Variants in CPEB4 observed in about 807,000 individuals in gnomAD.
CPEB4 encodes cytoplasmic polyadenylation element-binding protein 4.
A neutral mutation model predicts 72.5 loss-of-function variants in CPEB4; 12 were observed. The observed-to-expected ratio is 0.17, with a 90% confidence interval of 0.11 to 0.27. The LOEUF (loss-of-function observed/expected upper bound fraction) is 0.27. Ranked by LOEUF, CPEB4 falls within the 10% of genes least tolerant of loss-of-function variation. The probability of loss-of-function intolerance (pLI) is 1.00; values close to 1 mark genes in which losing one functional copy is unlikely to be tolerated. For synonymous variants in CPEB4, 302 were observed against 326.3 expected (o/e 0.93, Z 0.80); for missense variants, 614 against 908.5 (o/e 0.68, Z 4.17).
chr5:173,953,029 G>A lies in CPEB4; in HGVS notation c.1781-62G>A, dbSNP rs1016900632. ...ACAGATGAATTGCTTTTGATGAAAC[G>A]GTTGGTGAGCCAGATGAATTTTCCT... On this transcript the variant is annotated intron_variant, in intron 8 of 9. Coordinates refer to ENST00000265085, the MANE Select transcript of CPEB4 (RefSeq NM_030627.4). 9.5e-6 allele frequency: 13 copies of A among 1,369,434 alleles called. No individual in the cohort carries two copies. In the African/African-American group the frequency reaches 1.0e-4, roughly 11 times the overall value. The allele number at this position is 1,369,434 out of a possible 1,614,324, so 84.8% of individuals were successfully genotyped here.
chr5:173,914,468 G>C (rs185573051), intron 2 of CPEB4, among the ~76,000 whole-genome samples: 1 of 152,164 alleles, frequency 6.6e-6, no homozygotes, highest in Admixed American at 6.5e-5. Flanking sequence ...ATAGAAAATT[G>C]ACATTAGCCA....
chr5:173,904,194 A>T (rs1372169866), intron 1 of CPEB4, among the ~76,000 whole-genome samples: 1 of 152,220 alleles, frequency 6.6e-6, no homozygotes, highest in Non-Finnish European at 1.5e-5. Flanking sequence ...CATTGATGGA[A>T]TTATTTAAAT....
intron 2 of CPEB4, among the ~76,000 whole-genome samples, chr5:173,923,491 T>C (rs2113213649): frequency 6.6e-6 from 1 of 152,314 alleles, no homozygotes; most frequent in South Asian, 2.1e-4. Context: ...CAGAGAGCCA[T>C]TTGTCAAAAT....
rs1381651224 is a variant in CPEB4, at chr5:173,950,008, T to C, written c.1595T>C (p.Ile532Thr). The C allele has an allele frequency of 8.7e-6, 14 of 1,612,548 alleles. No individual in the cohort carries two copies. Among genetic ancestry groups the C allele is most frequent in the South Asian group, 3.3e-5 (3 of 90,834 alleles). The change falls in exon 7 of 10, where the codon ATT becomes ACT. Residue 532 changes from isoleucine (I) to threonine (T), a missense_variant. By Grantham distance (89) the Ile-to-Thr change is moderately conservative (BLOSUM62 -1). Around this residue, in one of 5 missense-constraint regions of CPEB4, gnomAD observed 23 missense variants for 21.8 expected, o/e 1.05. Transcript: ENST00000265085. The surrounding 1 kb of genome is among the most constrained non-coding windows in gnomAD (Gnocchi z 5.0). ...FQDESSVQAL[I>T]DACIEEDGKL... ...GATGAAAGCTCTGTGCAGGCTCTCA[T>C]TGATGCATGCATTGAAGAAGATGGA... is the stretch of plus-strand genomic sequence containing the variant.
At chr5:173,902,085 A>G (rs555369375) in intron 1 of CPEB4, among the ~76,000 whole-genome samples, 12 of 152,354 alleles carry the variant, frequency 7.9e-5, no homozygotes, top group African/African-American at 1.4e-4. Context: ...TTAATTCAAG[A>G]GGAATATTTA....
At chr5:173,939,607 A>G (rs72812829) in intron 3 of CPEB4, among the ~76,000 whole-genome samples, 7,251 of 152,282 alleles carry the variant, frequency 0.048, 237 homozygotes, top group Non-Finnish European at 0.073. Context: ...GCTAGAGGGA[A>G]TTTGATTCTG....
chr5:173,929,910 T>C (rs768514000), intron 2 of CPEB4, among the ~76,000 whole-genome samples: 22 of 152,178 alleles, frequency 1.4e-4, no homozygotes, highest in Admixed American at 2.6e-4. Flanking sequence ...TCTGAAAATG[T>C]TTTATGATAA....
At chr5:173,893,801 C>T (rs1200755213) in intron 1 of CPEB4, among the ~76,000 whole-genome samples, 1 of 152,086 alleles carries the variant, frequency 6.6e-6, no homozygotes, top group Admixed American at 6.5e-5. Context: ...CGTTTGTTTA[C>T]TCAGGTTTGG....
At chr5:173,949,929 C>T (rs1758158477) in intron 6 of CPEB4, 31 bp from the exon 7 acceptor site, 1 of 1,437,676 alleles carries the variant, frequency 7.0e-7, no homozygotes, top group Non-Finnish European at 9.8e-7. Flanking sequence ...AATAGGAAAA[C>T]ATGTAAGCCT....
Position 173,935,743 on chromosome 5 carries a change from C to T in CPEB4, c.1258+3243C>T, listed in dbSNP as rs187432624. 2.7e-3 allele frequency among the ~76,000 whole-genome samples: 399 copies of T among 148,304 alleles called. 4 individuals carry two copies. Among genetic ancestry groups the T allele is most frequent in the African/African-American group, 9.7e-3 (389 of 40,030 alleles). ...ATAAACAGAAAGAAAATCCCCTCAC[C>T]AGCCTCTTATTGGAAAAATTATAAC... On this transcript the variant is annotated intron_variant, in intron 3 of 9. Transcript: ENST00000265085.
chr5:173,926,477 G>A (rs569700588), intron 2 of CPEB4, among the ~76,000 whole-genome samples: 9 of 152,280 alleles, frequency 5.9e-5, no homozygotes, highest in African/African-American at 1.4e-4. Flanking sequence ...CCTAGTTGAC[G>A]TATGGATCTT....
At chr5:173,927,003 T>C (rs571955035) in intron 2 of CPEB4, among the ~76,000 whole-genome samples, 1 of 152,024 alleles carries the variant, frequency 6.6e-6, no homozygotes, top group Admixed American at 6.6e-5. Context: ...CAAAAAAAAT[T>C]ACCCGCGCAT....
chr5:173,936,897 G>C (rs1757642290), intron 3 of CPEB4, among the ~76,000 whole-genome samples: 2 of 150,960 alleles, frequency 1.3e-5, no homozygotes, highest in Non-Finnish European at 2.9e-5. Context: ...CTTGTGGCAG[G>C]AGAAAGTTAT....
At position 173,957,696 on chromosome 5, in the gene CPEB4, C is replaced by T. The variant is rs1368288421; in HGVS notation, c.*1559C>T. 2 of 152,722 alleles carry T rather than the reference C, an allele frequency of 1.3e-5. No homozygotes were observed. Among genetic ancestry groups the T allele is most frequent in the Non-Finnish European group, 2.9e-5 (2 of 68,030 alleles). The allele number at this position is 152,722 out of a possible 1,614,324, so 9.5% of individuals were successfully genotyped here. On this transcript the variant is annotated 3_prime_UTR_variant, in exon 10 of 10. Coordinates refer to ENST00000265085, the MANE Select transcript of CPEB4 (RefSeq NM_030627.4). Reference sequence around the variant, plus strand: ...TGGGCAAAACATGAAATAATATGATCGAATGGCAATCTTGCTAGTTGCGCT... The same window carrying T: ...TGGGCAAAACATGAAATAATATGATTGAATGGCAATCTTGCTAGTTGCGCT...
At chr5:173,942,692 A>G (rs1203643804) in intron 3 of CPEB4, among the ~76,000 whole-genome samples, 1 of 152,248 alleles carries the variant, frequency 6.6e-6, no homozygotes, top group African/African-American at 2.4e-5. Context: ...AAACGTTATT[A>G]ATATGGTAAT....
At chr5:173,918,549 T>A (rs1373471573) in intron 2 of CPEB4, among the ~76,000 whole-genome samples, 2 of 152,196 alleles carry the variant, frequency 1.3e-5, no homozygotes, top group Non-Finnish European at 2.9e-5. Context: ...GTGATGTATG[T>A]GAATGCCGAC....
intron 1 of CPEB4, among the ~76,000 whole-genome samples, chr5:173,907,492 T>A (rs1242617536): frequency 1.3e-5 from 2 of 152,234 alleles, no homozygotes; most frequent in Non-Finnish European, 2.9e-5. Flanking sequence ...CTTACTCTGT[T>A]AGTTGCATGA....
At chr5:173,922,512 T>C (rs1757107933) in intron 2 of CPEB4, among the ~76,000 whole-genome samples, 1 of 152,234 alleles carries the variant, frequency 6.6e-6, no homozygotes, top group African/African-American at 2.4e-5. Flanking sequence ...ATTACAGACA[T>C]GAGCCATCAT....
chr5:173,898,497 T>G (rs893960029), intron 1 of CPEB4, among the ~76,000 whole-genome samples: 1 of 152,224 alleles, frequency 6.6e-6, no homozygotes, highest in Non-Finnish European at 1.5e-5. Context: ...TTTTCTCATT[T>G]CTTTTGTCTG....
Sources: allele counts gnomAD v4.1 joint callset (sites outside exome capture counted in the v4.1 genomes callset), GRCh38; gene constraint gnomAD v4.1.1; regional missense constraint gnomAD v4.1.1; non-coding constraint Gnocchi (gnomAD v3.1); transcripts MANE v1.5; gene names NCBI Gene and HGNC (gene_info 2026-07-23, HGNC 2026-07-21).